Variants in GRID1 observed in about 807,000 individuals in gnomAD.
GRID1 encodes the protein glutamate receptor ionotropic, delta-1.
A neutral mutation model predicts 98.0 loss-of-function variants in GRID1; 28 were observed. The ratio of observed to expected loss-of-function variants is 0.29; its 90% CI spans 0.21 to 0.39. The LOEUF (loss-of-function observed/expected upper bound fraction) is 0.39, where lower values mean the gene tolerates loss of function less well. Among genes scored for constraint, GRID1 ranks in the 10% least tolerant of loss-of-function variants. GRID1 has a pLI of 1.00. For synonymous variants in GRID1, 553 were observed against 538.5 expected (o/e 1.03, Z -0.37); for missense variants, 1,111 against 1,340.5 (o/e 0.83, Z 2.67).
intron 8 of GRID1, among the ~76,000 whole-genome samples, chr10:85,751,713 T>C (rs1842047402): frequency 6.6e-6 from 1 of 152,162 alleles, no homozygotes; most frequent in Non-Finnish European, 1.5e-5. Context: ...TGCACACATA[T>C]ATGTATGGTA....
At chr10:85,772,572 C>T (rs1338003894) in intron 8 of GRID1, among the ~76,000 whole-genome samples, 1 of 152,058 alleles carries the variant, frequency 6.6e-6, no homozygotes, top group Non-Finnish European at 1.5e-5. Context: ...TGATAGACTG[C>T]TAGCAAGACT....
chr10:86,099,358 T>G (rs757261765), intron 4 of GRID1, among the ~76,000 whole-genome samples: 1 of 152,128 alleles, frequency 6.6e-6, no homozygotes, highest in East Asian at 1.9e-4. Context: ...AGCATCCTGA[T>G]GAGCACTGGA....
chr10:86,246,833 A>G (rs561392863), intron 2 of GRID1, among the ~76,000 whole-genome samples: 1 of 152,358 alleles, frequency 6.6e-6, no homozygotes, highest in East Asian at 1.9e-4. Context: ...GCTGGCTCCT[A>G]CATGCCCCTC....
intron 4 of GRID1, among the ~76,000 whole-genome samples, chr10:85,966,813 CA>C (rs71016118): frequency 1.4e-3 from 193 of 136,452 alleles, no homozygotes; most frequent in Admixed American, 1.7e-3. Context: ...GACTCCACCT[CA>C]AAAAAAAAAA....
chr10:86,178,490 C>T (rs1845609399), intron 3 of GRID1, among the ~76,000 whole-genome samples: 1 of 152,132 alleles, frequency 6.6e-6, no homozygotes, highest in Admixed American at 6.5e-5. Flanking sequence ...CATTCAGGCC[C>T]AGGTTCAAGC....
At chr10:85,722,929 GC>G (rs1261813526) in intron 12 of GRID1, 73 bp downstream of exon 12, 1 of 1,358,486 alleles carries the variant, frequency 7.4e-7, no homozygotes, top group Non-Finnish European at 1.0e-6. Context: ...ATACCACACT[GC>G]CCTGGAAAGG....
chr10:85,624,564 G>A (rs557436926), intron 13 of GRID1, among the ~76,000 whole-genome samples: 37 of 152,312 alleles, frequency 2.4e-4, no homozygotes, highest in South Asian at 8.3e-4. Context: ...GCTATGAAAC[G>A]TATTTGCAGA....
intron 3 of GRID1, among the ~76,000 whole-genome samples, chr10:86,177,950 A>C (rs1845600519): frequency 6.6e-6 from 1 of 152,186 alleles, no homozygotes; most frequent in African/African-American, 2.4e-5. Context: ...ATCCCAGTCC[A>C]CCACCGTGAA....
intron 15 of GRID1, among the ~76,000 whole-genome samples, chr10:85,607,692 G>C (rs988721844): frequency 6.6e-6 from 1 of 152,138 alleles, no homozygotes; most frequent in African/African-American, 2.4e-5. Flanking sequence ...ACCGAGGAAT[G>C]ACTGAGGCTA....
At chr10:86,241,544 C>G (rs536366577) in intron 2 of GRID1, among the ~76,000 whole-genome samples, 2 of 152,376 alleles carry the variant, frequency 1.3e-5, no homozygotes, top group African/African-American at 4.8e-5. Context: ...AGAACTCCCC[C>G]CCACCGCTAT....
chr10:85,907,283 T>C, intron 5 of GRID1, among the ~76,000 whole-genome samples: 1 of 152,330 alleles, frequency 6.6e-6, no homozygotes, highest in Admixed American at 6.5e-5. Context: ...GGCTAATTTT[T>C]GCATTTCTAG....
chr10:85,709,169 G>A lies in GRID1; in HGVS notation c.1997+13834C>T, dbSNP rs570394361. On this transcript the variant is annotated intron_variant, in intron 12 of 15. Coordinates refer to ENST00000327946, the MANE Select transcript of GRID1 (RefSeq NM_017551.3). ...AGAGCATTCTTGGAAAAGGCCCACC[G>A]AGGCTGGGCTTATGCCCTGCTGCAG... 1.2e-3 allele frequency: 390 copies of A among 315,370 alleles called. 1 individual carries two copies. The highest frequency in any genetic ancestry group is 2.6e-3 in the Middle Eastern group (2 of 778). 19.5% of individuals were successfully genotyped at this position (315,370 alleles called of 1,614,324 possible).
chr10:85,715,832 T>C (rs1454929631), intron 12 of GRID1, among the ~76,000 whole-genome samples: 1 of 152,182 alleles, frequency 6.6e-6, no homozygotes, highest in Non-Finnish European at 1.5e-5. Flanking sequence ...GAAATCAGTA[T>C]CTTGAAGAGA....
chr10:86,230,544 G>A (rs1846434598), intron 2 of GRID1, among the ~76,000 whole-genome samples: 1 of 152,178 alleles, frequency 6.6e-6, no homozygotes, highest in Non-Finnish European at 1.5e-5. Context: ...ACCTGGCTGA[G>A]CATTGAGCCT....
At chr10:85,998,708 T>C (rs1038625745) in intron 4 of GRID1, among the ~76,000 whole-genome samples, 6 of 152,118 alleles carry the variant, frequency 3.9e-5, no homozygotes, top group Admixed American at 3.9e-4. Flanking sequence ...CCAAAACTGA[T>C]TCTTTGAAAA....
rs904659711 is a variant in GRID1 at position 86,218,503 on chromosome 10, C to G, written c.236-11855G>C. Among the ~76,000 whole-genome samples the G allele has an allele frequency of 5.3e-5, 8 of 152,322 alleles. No homozygotes were observed. The South Asian group carries it at 1.4e-3, about 28-fold the overall frequency. The stretch of plus-strand genomic sequence containing the variant: ...CAGCCCCAAGCCCCAGCTCCAAGGC[C>G]TTGCACTAATCCTGCAGCATAGCCA... On this transcript the variant is annotated intron_variant, in intron 2 of 15. Coordinates refer to ENST00000327946, the MANE Select transcript of GRID1 (RefSeq NM_017551.3).
At chr10:85,634,291 T>TCACACA (rs1554860994) in intron 13 of GRID1, among the ~76,000 whole-genome samples, 2 of 102,952 alleles carry the variant, frequency 1.9e-5, no homozygotes, top group Non-Finnish European at 4.1e-5. Context: ...TCTCTCTCTC[T>TCACACA]CACACACACA....
intron 4 of GRID1, among the ~76,000 whole-genome samples, chr10:86,038,928 C>A (rs1397976449): frequency 6.6e-6 from 1 of 152,194 alleles, no homozygotes; most frequent in Non-Finnish European, 1.5e-5. Flanking sequence ...CTAGTCCAAG[C>A]CAACGTTATT....
chr10:85,791,444 G>A (rs994220723), intron 8 of GRID1, among the ~76,000 whole-genome samples: 1 of 152,212 alleles, frequency 6.6e-6, no homozygotes, highest in East Asian at 1.9e-4. Context: ...CTTGGAAAGA[G>A]AGAACTCACC....
Sources: allele counts gnomAD v4.1 joint callset (sites outside exome capture counted in the v4.1 genomes callset), GRCh38; gene constraint gnomAD v4.1.1; transcripts MANE v1.5; gene names NCBI Gene and HGNC (gene_info 2026-07-23, HGNC 2026-07-21).